TSPAN2: variants seen among roughly 807,000 people sequenced by gnomAD.
The protein encoded by TSPAN2 is tetraspanin 2, also known as tetraspanin-2.
Under a neutral mutation model 33.3 loss-of-function variants are expected in TSPAN2, and 24 were observed. The ratio of observed to expected loss-of-function variants is 0.72; its 90% CI spans 0.52 to 1.01. The LOEUF (loss-of-function observed/expected upper bound fraction) is 1.01. Ranked by LOEUF, TSPAN2 falls within the 50% of genes least tolerant of loss-of-function variation. The probability of loss-of-function intolerance (pLI) is 0.00; values close to 1 mark genes in which losing one functional copy is unlikely to be tolerated. For missense variants in TSPAN2, 278 were observed against 281.3 expected (o/e 0.99, Z 0.08); for synonymous variants, 114 against 104.5 (o/e 1.09, Z -0.56).
Position 115,053,641 on chromosome 1 carries a change from C to T in TSPAN2, c.517-179G>A, listed in dbSNP as rs957311910. Among the ~76,000 whole-genome samples, 3 of 152,228 alleles carry T rather than the reference C, an allele frequency of 2.0e-5. No homozygotes were observed. In the South Asian group the frequency reaches 6.2e-4, roughly 32 times the overall value. On this transcript the variant is annotated intron_variant, in intron 6 of 7. Transcript: ENST00000369516. ...TCCTAATAAGCTTAATGCAAAAATG[C>T]AGTTTGGGGAAAAAAATAGAAGCCT...
At chr1:115,059,109 G>A in intron 4 of TSPAN2, 128 bp from the exon 5 acceptor site, 1 of 724,956 alleles carries the variant, frequency 1.4e-6, no homozygotes, top group East Asian at 2.6e-5. Context: ...ATGATACAAT[G>A]GACTTTGGGG....
intron 1 of TSPAN2, among the ~76,000 whole-genome samples, chr1:115,077,476 G>C (rs1479899902): frequency 6.6e-6 from 1 of 152,174 alleles, no homozygotes; most frequent in Non-Finnish European, 1.5e-5. Flanking sequence ...ATATTCCAGA[G>C]AGTTTGGAGG....
chr1:115,077,421 G>GT (rs1648459571), intron 1 of TSPAN2, among the ~76,000 whole-genome samples: 1 of 152,152 alleles, frequency 6.6e-6, no homozygotes, highest in South Asian at 2.1e-4. Flanking sequence ...ATCACATATG[G>GT]TTATAGTACG....
At chr1:115,070,538 T>C (rs1246918814) in intron 2 of TSPAN2, among the ~76,000 whole-genome samples, 1 of 151,754 alleles carries the variant, frequency 6.6e-6, no homozygotes, top group Non-Finnish European at 1.5e-5. Flanking sequence ...CTTGTCCCCT[T>C]TCCCTCCCCA....
chr1:115,084,383 C>T (rs1397986998), intron 1 of TSPAN2, among the ~76,000 whole-genome samples: 4 of 152,132 alleles, frequency 2.6e-5, no homozygotes, highest in Admixed American at 6.5e-5. Flanking sequence ...TAGAGTCAGG[C>T]AGTATGATGT....
At chr1:115,073,037 T>C (rs760735063) in intron 1 of TSPAN2, 30 bp from the exon 2 acceptor site, 15 of 1,586,180 alleles carry the variant, frequency 9.5e-6, no homozygotes, top group East Asian at 2.2e-5. Context: ...GTGTTTACAG[T>C]GGAAGGGGAA....
intron 1 of TSPAN2, among the ~76,000 whole-genome samples, chr1:115,077,024 G>A (rs751942109): frequency 1.9e-4 from 28 of 151,334 alleles, no homozygotes; most frequent in Admixed American, 8.6e-4. Flanking sequence ...GGGCTCTAGC[G>A]ATCCACCACC....
At chr1:115,062,344 T>A in intron 2 of TSPAN2, 112 bp from the exon 3 acceptor site, 1 of 766,272 alleles carries the variant, frequency 1.3e-6, no homozygotes, top group Non-Finnish European at 2.1e-6. Flanking sequence ...CAAAAGGAGG[T>A]GCTATTCTTA....
intron 1 of TSPAN2, among the ~76,000 whole-genome samples, chr1:115,084,009 G>A (rs1648736229): frequency 6.6e-6 from 1 of 152,154 alleles, no homozygotes; most frequent in African/African-American, 2.4e-5. Context: ...GAACGGTGGA[G>A]GAAGTGATCT....
intron 1 of TSPAN2, among the ~76,000 whole-genome samples, chr1:115,089,102 G>C (rs1242992873): frequency 6.6e-6 from 1 of 152,132 alleles, no homozygotes; most frequent in African/African-American, 2.4e-5. Context: ...ACCAAGGCAG[G>C]TGGGGGTTCC....
At chr1:115,062,072 TC>T (rs1647749914) in intron 3 of TSPAN2, 62 bp downstream of exon 3, 2 of 1,381,438 alleles carry the variant, frequency 1.4e-6, no homozygotes, top group African/African-American at 1.4e-5. Flanking sequence ...AGGCACTGAC[TC>T]CCTTCAGATG....
At chr1:115,089,278 G>C in intron 1 of TSPAN2, 86 bp downstream of exon 1, 1 of 1,240,610 alleles carries the variant, frequency 8.1e-7, no homozygotes, top group Middle Eastern at 2.5e-4. Flanking sequence ...CGACTCGGAC[G>C]CCGCAGTCAG....
intron 1 of TSPAN2, among the ~76,000 whole-genome samples, 200 bp from the exon 2 acceptor site, chr1:115,073,207 C>T (rs1160211494): frequency 6.6e-6 from 1 of 152,176 alleles, no homozygotes; most frequent in Non-Finnish European, 1.5e-5. Context: ...CCTGATGTGA[C>T]ATTGGACTGG....
intron 6 of TSPAN2, among the ~76,000 whole-genome samples, chr1:115,056,964 C>T (rs559334466): frequency 6.6e-6 from 1 of 152,128 alleles, no homozygotes; most frequent in African/African-American, 2.4e-5. Context: ...TTTGCCCACC[C>T]TTAAATTGTC....
At chr1:115,060,087 C>A (rs1011759180) in intron 4 of TSPAN2, among the ~76,000 whole-genome samples, 1 of 152,166 alleles carries the variant, frequency 6.6e-6, no homozygotes, top group Non-Finnish European at 1.5e-5. Flanking sequence ...CCCATCCAGG[C>A]CAATCCTTAA....
intron 1 of TSPAN2, among the ~76,000 whole-genome samples, chr1:115,078,184 C>T (rs921579512): frequency 3.9e-5 from 6 of 152,204 alleles, no homozygotes; most frequent in Non-Finnish European, 7.3e-5. Flanking sequence ...AACATTAATT[C>T]CTCAGGGAAG....
Position 115,089,354 on chromosome 1 carries a change from C to T in TSPAN2, c.69+10G>A, listed in dbSNP as rs754265953. 3 of 1,576,298 alleles carry T rather than the reference C, an allele frequency of 1.9e-6. No individual in the cohort carries two copies. The highest frequency in any genetic ancestry group is 2.3e-5 in the South Asian group (2 of 86,488). Reference sequence around the variant, plus strand: ...CTGCCCTGACCGGCCCTCCCGGCTCCTGGTCTCACCCAGAAGAGCAGGTTG... The same window carrying T: ...CTGCCCTGACCGGCCCTCCCGGCTCTTGGTCTCACCCAGAAGAGCAGGTTG... On this transcript the variant is annotated intron_variant, in intron 1 of 7. Coordinates refer to ENST00000369516, the MANE Select transcript of TSPAN2 (RefSeq NM_005725.6).
chr1:115,052,239 T>G (rs1675334552), intron 7 of TSPAN2, among the ~76,000 whole-genome samples: 1 of 152,170 alleles, frequency 6.6e-6, no homozygotes, highest in Non-Finnish European at 1.5e-5. Context: ...CACCCCTCTG[T>G]GCTCTAAATA....
At chr1:115,074,226 C>A (rs766879619) in intron 1 of TSPAN2, among the ~76,000 whole-genome samples, 1 of 152,190 alleles carries the variant, frequency 6.6e-6, no homozygotes, top group East Asian at 1.9e-4. Flanking sequence ...GCACCAGAGA[C>A]AGCATAGTCC....
Sources: gnomAD v4.1 joint callset for allele counts (sites outside exome capture counted in the v4.1 genomes callset) on GRCh38, gnomAD v4.1.1 for gene constraint, MANE v1.5 for transcripts, NCBI Gene and HGNC (gene_info 2026-07-23, HGNC 2026-07-21) for gene names.